Variants in LNX1 observed in about 807,000 individuals in gnomAD.
LNX1 encodes ligand of numb-protein X 1, also known as E3 ubiquitin-protein ligase LNX.
A neutral mutation model predicts 68.4 loss-of-function variants in LNX1; 54 were observed. The ratio of observed to expected loss-of-function variants is 0.79; its 90% CI spans 0.63 to 0.99. The LOEUF (loss-of-function observed/expected upper bound fraction) is 0.99. LNX1 is among the 50% of genes least tolerant of loss of function. The pLI is 0.00. For synonymous variants in LNX1, 336 were observed against 350.0 expected (o/e 0.96, Z 0.45); for missense variants, 906 against 926.4 (o/e 0.98, Z 0.29).
At chr4:53,557,225 G>A (rs1386625665) in intron 2 of LNX1, among the ~76,000 whole-genome samples, 2 of 152,132 alleles carry the variant, frequency 1.3e-5, no homozygotes, top group Admixed American at 6.5e-5. Flanking sequence ...GATGTATTTA[G>A]GGGTGATATG....
At chr4:53,598,407 A>G (rs566351873) in intron 2 of LNX1, among the ~76,000 whole-genome samples, 1 of 151,692 alleles carries the variant, frequency 6.6e-6, no homozygotes, top group South Asian at 2.1e-4. Flanking sequence ...AAATTTTTGT[A>G]TTTTTTGTAG....
intron 9 of LNX1, among the ~76,000 whole-genome samples, chr4:53,472,047 T>C (rs1006304739): frequency 1.3e-5 from 2 of 152,240 alleles, no homozygotes; most frequent in African/African-American, 4.8e-5. Flanking sequence ...CTTATGTTTA[T>C]TGCGGCACTA....
chr4:53,485,264 A>T (rs1215887157), intron 6 of LNX1, among the ~76,000 whole-genome samples: 1 of 152,148 alleles, frequency 6.6e-6, no homozygotes, highest in Non-Finnish European at 1.5e-5. Context: ...CTTTGGGGAA[A>T]CTCCGATGTT....
At chr4:53,645,424 T>C (rs538010160) in intron 1 of LNX1, among the ~76,000 whole-genome samples, 3 of 152,316 alleles carry the variant, frequency 2.0e-5, no homozygotes, top group South Asian at 2.1e-4. Context: ...TGCACTACCA[T>C]TGGGGTTACC....
chr4:53,554,986 G>A (rs1343973884), intron 2 of LNX1, among the ~76,000 whole-genome samples: 1 of 152,164 alleles, frequency 6.6e-6, no homozygotes, highest in Non-Finnish European at 1.5e-5. Context: ...GAACACAAGA[G>A]TGCATTGCTG....
At chr4:53,624,797 A>C (rs1734013180) in intron 1 of LNX1, among the ~76,000 whole-genome samples, 1 of 152,136 alleles carries the variant, frequency 6.6e-6, no homozygotes, top group Non-Finnish European at 1.5e-5. Context: ...AGGCACACAA[A>C]AATTTATTCA....
At chr4:53,633,973 G>C (rs1228044415) in intron 1 of LNX1, among the ~76,000 whole-genome samples, 1 of 152,194 alleles carries the variant, frequency 6.6e-6, no homozygotes, top group Non-Finnish European at 1.5e-5. Flanking sequence ...CACACCCAGT[G>C]CAGAAGCTGA....
At chr4:53,585,328 T>C (rs1216362263) in intron 1 of LNX1, among the ~76,000 whole-genome samples, 3 of 152,142 alleles carry the variant, frequency 2.0e-5, no homozygotes, top group Non-Finnish European at 4.4e-5. Context: ...CAATTCTGAC[T>C]CTCCTTGCCT....
rs11440722 is a variant in LNX1 at position 53,636,179 on chromosome 4, CT to C, written c.-215+15988del. 2.3e-3 allele frequency among the ~76,000 whole-genome samples: 195 copies of C among 85,242 alleles called. 1 individual carries two copies. The highest frequency in any genetic ancestry group is 2.5e-3 in the African/African-American group (54 of 21,492). The allele number at this position is 85,242 out of a possible 152,430, so 55.9% of individuals were successfully genotyped here. A position where few individuals can be genotyped will look rare whatever the true frequency, so the allele number is the denominator to read the frequency against. On this transcript the variant is annotated intron_variant, in intron 1 of 2. Transcript: ENST00000507168. ...CTCAGAGACTGCACATCTATTACTC[CT>C]TTTTTTTTTTTTTTTTTTTTTTTCC...
intron 2 of LNX1, among the ~76,000 whole-genome samples, chr4:53,527,425 C>T (rs537762347): frequency 8.8e-4 from 134 of 152,250 alleles, no homozygotes; most frequent in African/African-American, 3.1e-3. Context: ...AGTGAGTTTG[C>T]ATGAATTCCC....
At chr4:53,575,827 C>A in intron 1 of LNX1, 1 of 1,588,316 alleles carries the variant, frequency 6.3e-7, no homozygotes. Context: ...AATGGACCAG[C>A]TACTAGGGGA....
At chr4:53,472,561 C>A (rs1350865988) in intron 9 of LNX1, among the ~76,000 whole-genome samples, 1 of 150,870 alleles carries the variant, frequency 6.6e-6, no homozygotes, top group Non-Finnish European at 1.5e-5. Flanking sequence ...TGAAATCTTA[C>A]AACATGCCTG....
chr4:53,462,734 G>A (rs550471232), intron 9 of LNX1, among the ~76,000 whole-genome samples: 88 of 152,208 alleles, frequency 5.8e-4, no homozygotes, highest in Middle Eastern at 3.4e-3. Flanking sequence ...AACCAGTTCT[G>A]AATCTATCGT....
chr4:53,515,732 A>G (rs567400220), intron 2 of LNX1, among the ~76,000 whole-genome samples: 30 of 152,244 alleles, frequency 2.0e-4, no homozygotes, highest in African/African-American at 6.7e-4. Context: ...TTCAATAAAC[A>G]CTCATGGGAG....
intron 2 of LNX1, among the ~76,000 whole-genome samples, chr4:53,609,277 A>T (rs958488351): frequency 1.8e-4 from 9 of 49,294 alleles, no homozygotes; most frequent in African/African-American, 6.2e-4. Context: ...AACTAAAAGT[A>T]AAAAAAAAAG....
chr4:53,620,617 G>A (rs1733835117), upstream of LNX1, among the ~76,000 whole-genome samples: 1 of 152,158 alleles, frequency 6.6e-6, no homozygotes, highest in Non-Finnish European at 1.5e-5. Context: ...TTGCTCCACT[G>A]ATGGATGCAC....
Position 53,508,139 on chromosome 4 carries a change from C to T in LNX1, c.469G>A (p.Ala157Thr), listed in dbSNP as rs772730921. The T allele has an allele frequency of 3.5e-5, 57 of 1,614,012 alleles. 1 individual carries two copies. In the Admixed American group the frequency reaches 8.7e-4, roughly 25 times the overall value. Residue 157 changes from alanine to threonine, a missense_variant, in exon 3 of 11, where the codon GCC becomes ACC. Ala to Thr is a moderately conservative substitution (Grantham distance 58). Transcript: ENST00000263925. Reference protein sequence around the residue: ...GCPDGCASLTATAPSPEVSAA... With the variant: ...GCPDGCASLTTTAPSPEVSAA... ...GAAACCTCTGGGGAGGGAGCCGTGG[C>T]TGTGAGGCTCGCACAGCCGTCTGGA...
At chr4:53,564,364 C>G (rs183305193) in intron 2 of LNX1, among the ~76,000 whole-genome samples, 1 of 146,814 alleles carries the variant, frequency 6.8e-6, no homozygotes, top group African/African-American at 2.5e-5. Context: ...CTGGCTTCAC[C>G]CTCAGATCCA....
At position 53,496,732 on chromosome 4, in the gene LNX1, A is replaced by C. The variant is rs146152504; in HGVS notation, c.979-338T>G. On this transcript the variant is annotated intron_variant, in intron 5 of 10. Transcript: ENST00000263925. ...GAGAGGGAAGGAAGATAAGGTAGGA[A>C]AAGGCAAAAGAAAAGCATTTTTCCC... The C allele has an allele frequency of 4.5e-4, 104 of 232,176 alleles. No individual in the cohort carries two copies. In the Middle Eastern group the frequency reaches 0.014, roughly 32 times the overall value. 14.4% of individuals were successfully genotyped at this position (232,176 alleles called of 1,614,324 possible).
Sources: gnomAD v4.1 joint callset for allele counts (sites outside exome capture counted in the v4.1 genomes callset) on GRCh38, gnomAD v4.1.1 for gene constraint, MANE v1.5 for transcripts, NCBI Gene and HGNC (gene_info 2026-07-23, HGNC 2026-07-21) for gene names.